Variants in CCNDBP1 observed in about 807,000 individuals in gnomAD.
CCNDBP1 encodes cyclin D1 binding protein 1, also known as cyclin-D1-binding protein 1.
CCNDBP1 carries 45 observed loss-of-function variants against 46.2 expected under a neutral mutation model. That is an observed-to-expected ratio of 0.97 (90% CI 0.77 to 1.25). The LOEUF is 1.25. CCNDBP1 is among the 50% of genes most tolerant of loss of function. The probability of loss-of-function intolerance (pLI) is 0.00; values close to 1 mark genes in which losing one functional copy is unlikely to be tolerated. For missense variants in CCNDBP1, 436 were observed against 442.1 expected, an observed-to-expected ratio of 0.99 and a Z score of 0.12; for synonymous variants, 154 against 163.6, an observed-to-expected ratio of 0.94 and a Z score of 0.45.
intron 6 of CCNDBP1, 120 bp from the exon 7 acceptor site, chr15:43,190,846 A>AC: frequency 4.0e-6 from 3 of 746,364 alleles, no homozygotes; most frequent in Non-Finnish European, 7.0e-6. Flanking sequence ...TTAAACCCGC[A>AC]CCCTTGTCAA....
chr15:43,194,802 T>G lies in CCNDBP1; in HGVS notation c.1044T>G (p.Asn348Lys). 1 of 1,613,708 alleles carries G rather than the reference T, an allele frequency of 6.2e-7. No homozygotes were observed. The highest frequency in any genetic ancestry group is 8.5e-7 in the Non-Finnish European group (1 of 1,179,570). The change falls in exon 11 of 11, where the codon AAT (asparagine) becomes AAG (lysine). Residue 348 changes from asparagine (N) to lysine (K), a missense_variant. By Grantham distance (94) the Asn-to-Lys change is moderately conservative (BLOSUM62 0). Coordinates refer to ENST00000300213, the MANE Select transcript of CCNDBP1 (RefSeq NM_012142.5). ...LLINAIDHCM[N>K]RIKELTQSEL... ...TTAATGCCATTGATCATTGCATGAATAGAATCAAGGAGCTCACTCAGAGTG... is the reference window on the plus strand; with the variant it reads ...TTAATGCCATTGATCATTGCATGAAGAGAATCAAGGAGCTCACTCAGAGTG...
intron 2 of CCNDBP1, 120 bp from the exon 3 acceptor site, chr15:43,186,034 A>G: frequency 9.1e-6 from 11 of 1,210,724 alleles, no homozygotes; most frequent in Non-Finnish European, 1.3e-5. Flanking sequence ...AGGGTGAAAT[A>G]GAATTCTAAC....
rs2041828985 is a variant in CCNDBP1 at position 43,186,167 on chromosome 15, G to A, written c.183G>A (p.Val61=). The A allele has an allele frequency of 6.2e-7, 1 of 1,613,998 alleles. No individual in the cohort carries two copies. The highest frequency in any genetic ancestry group is 8.5e-7 in the Non-Finnish European group (1 of 1,179,988). Residue 61 remains valine (V), a synonymous_variant, in exon 3 of 11, where the codon GTG becomes GTA. Coordinates refer to ENST00000300213, the MANE Select transcript of CCNDBP1 (RefSeq NM_012142.5). The stretch of plus-strand genomic sequence containing the variant: ...GCCACCCCCCAGATGAGGCAGCTGT[G>A]ACTGTGTCAAGGGAAGCCACGACTC... The part of the protein sequence containing the change: ...MFWRRLNEAA[V]TVSREATTLT...
Position 43,191,404 on chromosome 15 carries a change from G to A in CCNDBP1, c.589G>A (p.Glu197Lys), listed in dbSNP as rs758060193. Residue 197 changes from glutamate to lysine, a missense_variant, in exon 8 of 11, where the codon GAA becomes AAA. Glu to Lys is a moderately conservative substitution (Grantham distance 56). Coordinates refer to ENST00000300213, the MANE Select transcript of CCNDBP1 (RefSeq NM_012142.5). ...TCATGGTATGTCTTAGGCTGTGGAA[G>A]AATGTGACCCTTACTCTGGCCTCTT... ...AHEEMEQAVE[E>K]CDPYSGLLND... is the part of the protein sequence containing the mutation. 2 of 1,407,120 alleles carry A rather than the reference G, an allele frequency of 1.4e-6. No individual in the cohort carries two copies. The highest frequency in any genetic ancestry group is 2.3e-5 in the South Asian group (2 of 87,312). The allele number at this position is 1,407,120 out of a possible 1,614,324, so 87.2% of individuals were successfully genotyped here.
At chr15:43,186,476 C>A (rs929573088) in intron 3 of CCNDBP1, among the ~76,000 whole-genome samples, 1 of 152,116 alleles carries the variant, frequency 6.6e-6, no homozygotes, top group Non-Finnish European at 1.5e-5. Context: ...TGTTTCCCTT[C>A]TGATAATTTT....
In CCNDBP1 at chr15:43,185,547, C is replaced by T; in HGVS notation, c.49C>T (p.Pro17Ser). The change falls in exon 1 of 11, where the codon CCT becomes TCT. Residue 17 changes from proline (P) to serine (S), a missense_variant. Physicochemically the swap from Pro to Ser is moderately conservative, Grantham distance 74. Coordinates refer to ENST00000300213, the MANE Select transcript of CCNDBP1 (RefSeq NM_012142.5). ...AGCCGCAGTCCCCACCCTGGCTTCG[C>T]CTTTGGAGCAGCTCCGGCACTTGGC... ...PAAAVPTLAS[P>S]LEQLRHLAEE... 5.0e-6 allele frequency: 8 copies of T among 1,596,202 alleles called. No individual in the cohort carries two copies. Among genetic ancestry groups the T allele is most frequent in the Non-Finnish European group, 6.8e-6 (8 of 1,173,828 alleles).
At chr15:43,187,006 T>C (rs1440436580) in intron 3 of CCNDBP1, among the ~76,000 whole-genome samples, 1 of 152,230 alleles carries the variant, frequency 6.6e-6, no homozygotes, top group East Asian at 1.9e-4. Context: ...TTTATGCATT[T>C]TAAATATTCC....
In CCNDBP1 at chr15:43,189,182, T is replaced by G. The variant is rs751011880; in HGVS notation, c.250-17T>G. The G allele has an allele frequency of 6.6e-7, 1 of 1,524,502 alleles. No homozygotes were observed. Among genetic ancestry groups the G allele is most frequent in the Non-Finnish European group, 9.1e-7 (1 of 1,101,308 alleles). 94.4% of individuals were successfully genotyped at this position (1,524,502 alleles called of 1,614,324 possible). A position where few individuals can be genotyped will look rare whatever the true frequency, so the allele number is the denominator to read the frequency against. ...AAGGGTTGACCACTTTGATCTAATC[T>G]GTTTCCTTTTTCATAGGAAACCCAG... On this transcript the variant is annotated splice_polypyrimidine_tract_variant and intron_variant, in intron 3 of 10. Transcript: ENST00000300213.
intron 1 of CCNDBP1, 83 bp from the exon 2 acceptor site, chr15:43,185,737 C>T (rs564932432): frequency 6.7e-7 from 1 of 1,486,764 alleles, no homozygotes; most frequent in African/African-American, 1.4e-5. Flanking sequence ...GGCGGGGAGC[C>T]GGGCTTGGGC....
chr15:43,196,376 C>T lies in CCNDBP1; in HGVS notation c.*1535C>T, dbSNP rs1331695338. The T allele has an allele frequency of 6.6e-6, 1 of 150,970 alleles. No individual in the cohort carries two copies. Among genetic ancestry groups the T allele is most frequent in the South Asian group, 2.1e-4 (1 of 4,754 alleles). 9.4% of individuals were successfully genotyped at this position (150,970 alleles called of 1,614,324 possible). A position where few individuals can be genotyped will look rare whatever the true frequency, so the allele number is the denominator to read the frequency against. ...TCTCGGCTCACTGCAACCTCCGCCTCCCAGGTTCTCAAGCAATTCTCTGGC... is the reference window on the plus strand; with the variant it reads ...TCTCGGCTCACTGCAACCTCCGCCTTCCAGGTTCTCAAGCAATTCTCTGGC... On this transcript the variant is annotated 3_prime_UTR_variant, in exon 11 of 11. Coordinates refer to ENST00000300213, the MANE Select transcript of CCNDBP1 (RefSeq NM_012142.5).
At chr15:43,189,908 T>C (rs1214423241) in intron 4 of CCNDBP1, 147 bp from the exon 5 acceptor site, 1 of 628,420 alleles carries the variant, frequency 1.6e-6, no homozygotes. Flanking sequence ...CATGGGGATA[T>C]AAGTAAGACC....
Position 43,195,804 on chromosome 15 carries a change from T to C in CCNDBP1, c.*963T>C, listed in dbSNP as rs1305823992. 1 of 152,234 alleles carries C rather than the reference T, an allele frequency of 6.6e-6. No homozygotes were observed. Among genetic ancestry groups the C allele is most frequent in the East Asian group, 1.9e-4 (1 of 5,200 alleles). 9.4% of individuals were successfully genotyped at this position (152,234 alleles called of 1,614,324 possible). A position where few individuals can be genotyped will look rare whatever the true frequency, so the allele number is the denominator to read the frequency against. ...CCTTTTGTAGGTGTAATTCATAACA[T>C]ATGCCTTTCTGCTGTCTTTAGGTAT... is the stretch of plus-strand genomic sequence containing the variant. On this transcript the variant is annotated 3_prime_UTR_variant, in exon 11 of 11. Coordinates refer to ENST00000300213, the MANE Select transcript of CCNDBP1 (RefSeq NM_012142.5).
chr15:43,195,924 G>GA lies in CCNDBP1; in HGVS notation c.*1085dup, dbSNP rs2042032990. 6.6e-6 allele frequency: 1 copy of GA among 152,154 alleles called. No homozygotes were observed. Among genetic ancestry groups the GA allele is most frequent in the African/African-American group, 2.4e-5 (1 of 41,434 alleles). The allele number at this position is 152,154 out of a possible 1,614,324, so 9.4% of individuals were successfully genotyped here. On this transcript the variant is annotated 3_prime_UTR_variant, in exon 11 of 11. Transcript: ENST00000300213. Reference sequence around the variant, plus strand: ...CAAATGAGTTTTAGCTTACTGTTTTGAAGTGCCATTTTGTATTGTTAACAA... The same window carrying GA: ...CAAATGAGTTTTAGCTTACTGTTTTGAAAGTGCCATTTTGTATTGTTAACAA...
In CCNDBP1 at chr15:43,191,645, T is replaced by C. The variant is rs78193368; in HGVS notation, c.830T>C (p.Ile277Thr). 3,407 of 1,608,720 alleles carry C rather than the reference T, an allele frequency of 2.1e-3. 20 individuals carry two copies. In the Middle Eastern group the frequency reaches 0.03, roughly 14 times the overall value. Residue 277 changes from isoleucine (I) to threonine (T), a missense_variant, in exon 8 of 11, where the codon ATT (isoleucine) becomes ACT (threonine). Ile to Thr is a moderately conservative substitution (Grantham distance 89). Coordinates refer to ENST00000300213, the MANE Select transcript of CCNDBP1 (RefSeq NM_012142.5). ...KKDQVAQLDD[I>T]VDISDEISPS... ...GATCAGGTGGCACAGCTGGATGACA[T>C]TGTGGATATTTCTGATGAAATCAGC...
chr15:43,189,474 C>T (rs2041914271), intron 4 of CCNDBP1, 194 bp downstream of exon 4: 2 of 497,138 alleles, frequency 4.0e-6, no homozygotes, highest in African/African-American at 2.0e-5. Flanking sequence ...GTTCCTATGA[C>T]TTCCCATCTC....
chr15:43,185,755 G>A, intron 1 of CCNDBP1, 65 bp from the exon 2 acceptor site: 1 of 1,551,128 alleles, frequency 6.4e-7, no homozygotes, highest in Non-Finnish European at 8.7e-7. Context: ...GGCGAGGGAG[G>A]TGGCTCCGCT....
In CCNDBP1 at chr15:43,191,549, T is replaced by G; in HGVS notation, c.734T>G (p.Leu245Arg). The change falls in exon 8 of 11, where the codon CTT (leucine) becomes CGT (arginine). Residue 245 changes from leucine (L) to arginine (R), a missense_variant. Coordinates refer to ENST00000300213, the MANE Select transcript of CCNDBP1 (RefSeq NM_012142.5). The stretch of plus-strand genomic sequence containing the variant: ...GATCAAGAGCTCATAATCCCATGCC[T>G]TGCGCTGGTGAGAGCATCCAAAGCC... ...EDDQELIIPC[L>R]ALVRASKACL... 2 of 1,614,096 alleles carry G rather than the reference T, an allele frequency of 1.2e-6. No homozygotes were observed. The highest frequency in any genetic ancestry group is 1.7e-6 in the Non-Finnish European group (2 of 1,180,010).
rs763476042 is a variant in CCNDBP1 at position 43,189,077 on chromosome 15, C to CA, written c.250-95dup. On this transcript the variant is annotated intron_variant, in intron 3 of 10. Coordinates refer to ENST00000300213, the MANE Select transcript of CCNDBP1 (RefSeq NM_012142.5). The stretch of plus-strand genomic sequence containing the variant: ...TGGGTGACAGAGTGAGACTCTGTCT[C>CA]AAAAAAAAAAAAAAAAAAAAAAAAA... The CA allele has an allele frequency of 1.8e-3, 274 of 152,128 alleles. 6 individuals are homozygous for CA. Among genetic ancestry groups the CA allele is most frequent in the Admixed American group, 4.0e-3 (20 of 5,058 alleles). 9.4% of individuals were successfully genotyped at this position (152,128 alleles called of 1,614,324 possible). A position where few individuals can be genotyped will look rare whatever the true frequency, so the allele number is the denominator to read the frequency against.
rs532691454 is a variant in CCNDBP1, at chr15:43,190,390, T to C, written c.494T>C (p.Ile165Thr). 5.6e-6 allele frequency: 9 copies of C among 1,613,970 alleles called. No homozygotes were observed. Among genetic ancestry groups the C allele is most frequent in the Non-Finnish European group, 7.6e-6 (9 of 1,179,972 alleles). ...VWVACQQMPQIPRDNKAAALL... is the reference protein window; with the variant it reads ...VWVACQQMPQTPRDNKAAALL... ...GTTGCGTGCCAGCAGATGCCTCAGA[T>C]ACCAAGAGGTGAGTGAAAGTGGGCA... is the stretch of plus-strand genomic sequence containing the variant. Residue 165 changes from isoleucine (I) to threonine (T), a missense_variant, in exon 6 of 11, where the codon ATA (isoleucine) becomes ACA (threonine). Transcript: ENST00000300213.
Sources: gnomAD v4.1 joint callset for allele counts (sites outside exome capture counted in the v4.1 genomes callset) on GRCh38, gnomAD v4.1.1 for gene constraint, MANE v1.5 for transcripts, NCBI Gene and HGNC (gene_info 2026-07-23, HGNC 2026-07-21) for gene names.